The following DOCK1 variants were observed in gnomAD, a reference collection of about 807,000 sequenced individuals.
DOCK1 encodes dedicator of cytokinesis 1, also known as dedicator of cytokinesis protein 1.
In DOCK1, 138 loss-of-function variants were observed where a neutral mutation model predicts 262.7. The observed-to-expected ratio is 0.53, with a 90% confidence interval of 0.46 to 0.61. The LOEUF is 0.61. Among genes scored for constraint, DOCK1 ranks in the 20% least tolerant of loss-of-function variants. The probability of loss-of-function intolerance (pLI) is 0.00; values close to 1 mark genes in which losing one functional copy is unlikely to be tolerated. For missense variants in DOCK1, 1,908 were observed against 2,370.7 expected, an observed-to-expected ratio of 0.80 and a Z score of 4.05; for synonymous variants, 866 against 867.4, an observed-to-expected ratio of 1.00 and a Z score of 0.03.
At chr10:126,914,486 T>G (rs1464663010) in intron 1 of DOCK1, among the ~76,000 whole-genome samples, 1 of 152,204 alleles carries the variant, frequency 6.6e-6, no homozygotes, top group Non-Finnish European at 1.5e-5. Flanking sequence ...CACTGCAGCC[T>G]TGAACTCCCA....
intron 1 of DOCK1, among the ~76,000 whole-genome samples, chr10:126,915,521 C>G (rs1033504339): frequency 6.6e-6 from 1 of 152,170 alleles, no homozygotes; most frequent in Non-Finnish European, 1.5e-5. Context: ...TGGATTCAAG[C>G]AGTTTTCCTG....
intron 11 of DOCK1, 86 bp downstream of exon 11, chr10:127,008,890 A>T: frequency 8.5e-7 from 1 of 1,181,576 alleles, no homozygotes; most frequent in Non-Finnish European, 1.2e-6. Flanking sequence ...TTAAATGGAT[A>T]AACATAACTA....
chr10:127,022,134 G>A (rs186222462), intron 13 of DOCK1, among the ~76,000 whole-genome samples: 23 of 151,440 alleles, frequency 1.5e-4, no homozygotes, highest in Admixed American at 6.6e-4. Context: ...CATTTCTTGC[G>A]TTTTTTTTAC....
In DOCK1 at chr10:127,415,143, C is replaced by T; in HGVS notation, c.4429-9C>T. 1.2e-6 allele frequency: 2 copies of T among 1,612,508 alleles called. No individual in the cohort carries two copies. The highest frequency in any genetic ancestry group is 1.7e-6 in the Non-Finnish European group (2 of 1,179,280). The stretch of plus-strand genomic sequence containing the variant: ...TAACCCGTGTTGTGTGTGTGTGTTT[C>T]CTTTGCAGAATATGTGGATCGAGAG... On this transcript the variant is annotated splice_polypyrimidine_tract_variant and intron_variant, in intron 43 of 51. Transcript: ENST00000623213.
rs534565452 is a variant in DOCK1 at position 127,176,072 on chromosome 10, C to T, written c.2847+48308C>T. The T allele has an allele frequency of 1.6e-5, 26 of 1,614,072 alleles. No homozygotes were observed. The highest frequency in any genetic ancestry group is 1.6e-4 in the Middle Eastern group (1 of 6,062). ...TCTGGTAACACTTCTTAAGGTCGGG[C>T]GAGGTCTGCACGCCTGTGCTCTTGG... is the stretch of plus-strand genomic sequence containing the variant. On this transcript the variant is annotated intron_variant, in intron 27 of 51. Transcript: ENST00000623213. This position sits in a 1 kb window ranked among gnomAD's most constrained non-coding sequence, Gnocchi z 4.4.
chr10:127,189,034 A>C (rs2056528705), intron 27 of DOCK1, among the ~76,000 whole-genome samples: 1 of 152,194 alleles, frequency 6.6e-6, no homozygotes, highest in Non-Finnish European at 1.5e-5. Context: ...GGAAGCGCTC[A>C]GTACACAGCC....
chr10:127,442,146 C>T (rs548230024), intron 49 of DOCK1, among the ~76,000 whole-genome samples: 124 of 152,312 alleles, frequency 8.1e-4, no homozygotes, highest in Non-Finnish European at 1.5e-3. Flanking sequence ...GGAAATAGAC[C>T]TGTTGGCCTG....
intron 1 of DOCK1, among the ~76,000 whole-genome samples, chr10:126,931,739 C>A (rs1375030764): frequency 6.6e-6 from 1 of 152,152 alleles, no homozygotes; most frequent in Non-Finnish European, 1.5e-5. Flanking sequence ...GGCGGACGGC[C>A]TTCCTGTCAC....
chr10:127,242,851 A>T (rs1192381689), intron 27 of DOCK1, among the ~76,000 whole-genome samples: 1 of 152,230 alleles, frequency 6.6e-6, no homozygotes, highest in Non-Finnish European at 1.5e-5. Flanking sequence ...ATCATGAAGC[A>T]TAATCCCGGA....
rs199811909 is a variant in DOCK1 at position 127,378,188 on chromosome 10, C to CT, written c.3676-1893dup. On this transcript the variant is annotated intron_variant, in intron 35 of 51. Transcript: ENST00000623213. Reference sequence around the variant, plus strand: ...ATTACTTTGCACATGCCAGTTACTTCTCTTCATAGCCCCTTGGCAAGGCTA... The same window carrying CT: ...ATTACTTTGCACATGCCAGTTACTTCTTCTTCATAGCCCCTTGGCAAGGCTA... Among the ~76,000 whole-genome samples, 643 of 85,758 alleles carry CT rather than the reference C, an allele frequency of 7.5e-3. 3 individuals carry two copies. Among genetic ancestry groups the CT allele is most frequent in the Non-Finnish European group, 0.013 (479 of 38,286 alleles). The allele number at this position is 85,758 out of a possible 152,430, so 56.3% of individuals were successfully genotyped here. A position where few individuals can be genotyped will look rare whatever the true frequency, so the allele number is the denominator to read the frequency against.
chr10:127,182,058 C>A (rs930718094), intron 27 of DOCK1, among the ~76,000 whole-genome samples: 3 of 152,104 alleles, frequency 2.0e-5, no homozygotes, highest in African/African-American at 7.2e-5. Context: ...CTGAGCAATG[C>A]GTGAGGAACT....
Position 126,912,254 on chromosome 10 carries a change from C to T in DOCK1, c.46+6691C>T, listed in dbSNP as rs186225200. Among the ~76,000 whole-genome samples, 260 of 152,122 alleles carry T rather than the reference C, an allele frequency of 1.7e-3. 1 individual carries two copies. Among genetic ancestry groups the T allele is most frequent in the Non-Finnish European group, 2.9e-3 (199 of 68,016 alleles). On this transcript the variant is annotated intron_variant, in intron 1 of 51. Transcript: ENST00000623213. ...GACCAGCCTGGCCAATATGGTGAAA[C>T]CCCATCTCTAGTAAAAATACAAAAA...
chr10:127,426,215 G>A (rs1019930591), intron 47 of DOCK1, among the ~76,000 whole-genome samples: 2 of 152,148 alleles, frequency 1.3e-5, no homozygotes, highest in Non-Finnish European at 1.5e-5. Context: ...GGAAATGTCA[G>A]GGCGAATAAA....
intron 32 of DOCK1, among the ~76,000 whole-genome samples, chr10:127,358,434 C>T (rs2064250042): frequency 6.6e-6 from 1 of 152,154 alleles, no homozygotes; most frequent in Non-Finnish European, 1.5e-5. Context: ...GCTTATTTAC[C>T]CAGCTCCTGA....
chr10:127,410,746 G>A (rs2067797381), intron 42 of DOCK1, 94 bp from the exon 43 acceptor site: 1 of 1,079,928 alleles, frequency 9.3e-7, no homozygotes, highest in Non-Finnish European at 1.3e-6. Flanking sequence ...TTTTACAGGA[G>A]GCAGTGACAT....
At chr10:126,997,969 C>A in intron 7 of DOCK1, 123 bp from the exon 8 acceptor site, 1 of 1,277,812 alleles carries the variant, frequency 7.8e-7, no homozygotes, top group Non-Finnish European at 1.1e-6. Context: ...AGTGACTGCA[C>A]CAAGGCCTTT....
At chr10:126,926,853 G>A (rs1380365451) in intron 1 of DOCK1, among the ~76,000 whole-genome samples, 1 of 152,184 alleles carries the variant, frequency 6.6e-6, no homozygotes, top group Non-Finnish European at 1.5e-5. Context: ...GCATGGCCCT[G>A]TAGGCACCTT....
At chr10:126,961,580 T>C (rs2037224662) in intron 1 of DOCK1, among the ~76,000 whole-genome samples, 1 of 152,214 alleles carries the variant, frequency 6.6e-6, no homozygotes, top group Non-Finnish European at 1.5e-5. Flanking sequence ...CTCATGTAAG[T>C]GGAATCGTAC....
intron 27 of DOCK1, chr10:127,138,056 A>G (rs767723563): frequency 1.9e-6 from 3 of 1,551,304 alleles, no homozygotes; most frequent in South Asian, 1.2e-5. Context: ...TTAGCATTTG[A>G]TCTTTTCCAT....
Sources: allele counts gnomAD v4.1 joint callset (sites outside exome capture counted in the v4.1 genomes callset), GRCh38; gene constraint gnomAD v4.1.1; non-coding constraint Gnocchi (gnomAD v3.1); transcripts MANE v1.5; gene names NCBI Gene and HGNC (gene_info 2026-07-23, HGNC 2026-07-21).